The following SV2B variants were observed in gnomAD, a reference collection of about 807,000 sequenced individuals.
SV2B encodes synaptic vesicle glycoprotein 2B.
Under a neutral mutation model 73.9 loss-of-function variants are expected in SV2B, and 41 were observed. That is an observed-to-expected ratio of 0.56 (90% CI 0.43 to 0.72). The LOEUF (loss-of-function observed/expected upper bound fraction) is 0.72, where lower values mean the gene tolerates loss of function less well. Ranked by LOEUF, SV2B falls within the 30% of genes least tolerant of loss-of-function variation. SV2B has a pLI of 0.00. For synonymous variants in SV2B, 314 were observed against 314.2 expected (o/e 1.00, Z 0.01); for missense variants, 764 against 857.8 (o/e 0.89, Z 1.37).
rs748249421 is a variant in SV2B, at chr15:91,232,008, C to A, written c.451+5294C>A. Among the ~76,000 whole-genome samples the A allele has an allele frequency of 5.3e-5, 8 of 152,108 alleles. No homozygotes were observed. The highest frequency in any genetic ancestry group is 1.2e-4 in the Non-Finnish European group (8 of 68,018). On this transcript the variant is annotated intron_variant, in intron 2 of 12. Transcript: ENST00000394232. This position sits in a 1 kb window ranked among gnomAD's most constrained non-coding sequence, Gnocchi z 4.7. Reference sequence around the variant, plus strand: ...TTACTCTGCTGTCGTGAAAGATTATCTTGTGATTGTTTTATATGCAAATTC... The same window carrying A: ...TTACTCTGCTGTCGTGAAAGATTATATTGTGATTGTTTTATATGCAAATTC...
At chr15:91,163,407 A>G (rs1420991489) in intron 1 of SV2B, among the ~76,000 whole-genome samples, 1 of 152,176 alleles carries the variant, frequency 6.6e-6, no homozygotes, top group Non-Finnish European at 1.5e-5. Context: ...CTATTTCTCC[A>G]CATCCTCTCC....
intron 1 of SV2B, among the ~76,000 whole-genome samples, chr15:91,151,679 G>C (rs1323340290): frequency 6.6e-6 from 1 of 152,172 alleles, no homozygotes; most frequent in Non-Finnish European, 1.5e-5. Context: ...TTGAACCCAG[G>C]CTCCCATTTC....
intron 6 of SV2B, among the ~76,000 whole-genome samples, chr15:91,263,685 CACACACAGACACACATTAAGACAG>C (rs1211362884): frequency 6.6e-6 from 1 of 151,696 alleles, no homozygotes; most frequent in East Asian, 1.9e-4. Context: ...CACAGAGACA[CACACACAGACACACATTAAGACAG>C]ACACACAGAC....
At chr15:91,195,168 T>G (rs28445744) in intron 1 of SV2B, among the ~76,000 whole-genome samples, 1 of 152,050 alleles carries the variant, frequency 6.6e-6, no homozygotes, top group African/African-American at 2.4e-5. Context: ...AAACTATTGT[T>G]TTTTTTTGAG....
At chr15:91,176,198 G>A (rs2044302482) in intron 1 of SV2B, among the ~76,000 whole-genome samples, 1 of 152,082 alleles carries the variant, frequency 6.6e-6, no homozygotes, top group South Asian at 2.1e-4. Context: ...TTTCATCCAT[G>A]TCCCTACAAA....
In SV2B at chr15:91,234,455, G is replaced by C. The variant is rs1405532334; in HGVS notation, c.451+7741G>C. Among the ~76,000 whole-genome samples the C allele has an allele frequency of 6.6e-6, 1 of 152,218 alleles. No homozygotes were observed. Among genetic ancestry groups the C allele is most frequent in the Non-Finnish European group, 1.5e-5 (1 of 68,040 alleles). On this transcript the variant is annotated intron_variant, in intron 2 of 12. Transcript: ENST00000394232. This position sits in a 1 kb window ranked among gnomAD's most constrained non-coding sequence, Gnocchi z 5.6. ...CACTCAGTCACCAAAGGCAAGGGGAGTGTGGTTATTGTAGTGGACAGCAGA... is the reference window on the plus strand; with the variant it reads ...CACTCAGTCACCAAAGGCAAGGGGACTGTGGTTATTGTAGTGGACAGCAGA...
At position 91,267,619 on chromosome 15, in the gene SV2B, T is replaced by C; in HGVS notation, c.1184T>C (p.Val395Ala). The change falls in exon 8 of 13, where the codon GTG becomes GCG. Residue 395 changes from valine (V) to alanine (A), a missense_variant. Val to Ala is a moderately conservative substitution (Grantham distance 64, BLOSUM62 0). Coordinates refer to ENST00000394232, the MANE Select transcript of SV2B (RefSeq NM_001323032.3). The surrounding 1 kb of genome is among the most constrained non-coding windows in gnomAD (Gnocchi z 4.3). ...PYRMNTLILA[V>A]VWFAMAFSYY... ...AGAATGAATACACTGATTCTGGCCG[T>C]GGTTTGGTTTGCCATGGCATTCAGG... is the stretch of plus-strand genomic sequence containing the variant. 1 of 1,612,874 alleles carries C rather than the reference T, an allele frequency of 6.2e-7. No individual in the cohort carries two copies. The highest frequency in any genetic ancestry group is 8.5e-7 in the Non-Finnish European group (1 of 1,179,434).
intron 10 of SV2B, among the ~76,000 whole-genome samples, chr15:91,282,776 A>G (rs756287220): frequency 1.1e-4 from 17 of 152,190 alleles, no homozygotes; most frequent in Non-Finnish European, 1.6e-4. Flanking sequence ...TTTTTCCTCT[A>G]TGATATCAGC....
At position 91,137,083 on chromosome 15, in the gene SV2B, G is replaced by A. The variant is rs141848871; in HGVS notation, c.-392+36720G>A. On this transcript the variant is annotated intron_variant, in intron 1 of 12. Coordinates refer to ENST00000394232, the MANE Select transcript of SV2B (RefSeq NM_001323032.3). The surrounding 1 kb of genome is among the most constrained non-coding windows in gnomAD (Gnocchi z 4.9). ...TGTAAACCAGTTATTGGGGTGACTCGTAAGAAGCAGGCAGTCACTGAGCCT... is the reference window on the plus strand; with the variant it reads ...TGTAAACCAGTTATTGGGGTGACTCATAAGAAGCAGGCAGTCACTGAGCCT... Among the ~76,000 whole-genome samples, 10 of 152,282 alleles carry A rather than the reference G, an allele frequency of 6.6e-5. No individual in the cohort carries two copies. The East Asian group carries it at 9.6e-4, about 15-fold the overall frequency.
intron 1 of SV2B, among the ~76,000 whole-genome samples, chr15:91,216,886 C>CT (rs557223668): frequency 0.053 from 6,730 of 126,554 alleles, 386 homozygotes; most frequent in African/African-American, 0.13. Context: ...GAATAACTAC[C>CT]TTTTTTTTTT....
chr15:91,108,850 A>G (rs1025694739), intron 1 of SV2B, among the ~76,000 whole-genome samples: 1 of 152,164 alleles, frequency 6.6e-6, no homozygotes, highest in African/African-American at 2.4e-5. Flanking sequence ...AGCAACAAAG[A>G]CCCACACCTG....
chr15:91,172,819 TA>T (rs1484890139), intron 1 of SV2B, among the ~76,000 whole-genome samples: 1 of 152,196 alleles, frequency 6.6e-6, no homozygotes, highest in Non-Finnish European at 1.5e-5. Flanking sequence ...TTAATATACG[TA>T]AAGTACTAAA....
intron 1 of SV2B, among the ~76,000 whole-genome samples, chr15:91,221,162 A>T (rs551742561): frequency 2.6e-5 from 4 of 152,290 alleles, no homozygotes; most frequent in African/African-American, 9.6e-5. Flanking sequence ...CCTCATGCCC[A>T]GACAATAATT....
At chr15:91,196,515 G>C (rs2045250342) in intron 1 of SV2B, among the ~76,000 whole-genome samples, 1 of 152,206 alleles carries the variant, frequency 6.6e-6, no homozygotes, top group Non-Finnish European at 1.5e-5. Flanking sequence ...GGCAGAGACT[G>C]GGAGGCCGGT....
intron 1 of SV2B, among the ~76,000 whole-genome samples, chr15:91,103,351 C>G (rs998853274): frequency 1.3e-5 from 2 of 152,114 alleles, no homozygotes; most frequent in African/African-American, 4.8e-5. Flanking sequence ...TTCCTTTCCC[C>G]CACACTAAAA....
In SV2B at chr15:91,226,357, C is replaced by T; in HGVS notation, c.94C>T (p.Gln32Ter). The change falls in exon 2 of 13, where the codon CAG becomes TAG. Residue 32 changes from glutamine (Q) to a stop codon, truncating the protein, a stop_gained. Coordinates refer to ENST00000394232, the MANE Select transcript of SV2B (RefSeq NM_001323032.3). LOFTEE classifies it high-confidence loss of function. ...GNESNPEEDA[Q>*]SDVTEGHDEE... is the part of the protein sequence containing the mutation. ...TGAGTCCAACCCAGAAGAAGATGCA[C>T]AGAGTGATGTCACCGAAGGCCATGA... 6.2e-7 allele frequency: 1 copy of T among 1,614,156 alleles called. No homozygotes were observed. The highest frequency in any genetic ancestry group is 8.5e-7 in the Non-Finnish European group (1 of 1,180,030).
At chr15:91,104,155 A>G (rs1567253533) in intron 1 of SV2B, among the ~76,000 whole-genome samples, 1 of 152,198 alleles carries the variant, frequency 6.6e-6, no homozygotes, top group Non-Finnish European at 1.5e-5. Flanking sequence ...AACAACAGCC[A>G]TTTCTTATTT....
At chr15:91,146,603 G>T (rs562596608) in intron 1 of SV2B, among the ~76,000 whole-genome samples, 1 of 152,258 alleles carries the variant, frequency 6.6e-6, no homozygotes, top group African/African-American at 2.4e-5. Flanking sequence ...ATTTAGGTTT[G>T]TGTCATCTCT....
chr15:91,248,545 T>C (rs1249325844), intron 2 of SV2B, among the ~76,000 whole-genome samples: 1 of 152,232 alleles, frequency 6.6e-6, no homozygotes, highest in Non-Finnish European at 1.5e-5. Context: ...AGGTGATTAA[T>C]ACCCTCAGAA....
Sources: allele counts gnomAD v4.1 joint callset (sites outside exome capture counted in the v4.1 genomes callset), GRCh38; gene constraint gnomAD v4.1.1; non-coding constraint Gnocchi (gnomAD v3.1); transcripts MANE v1.5; gene names NCBI Gene and HGNC (gene_info 2026-07-23, HGNC 2026-07-21).